The following ANKRD17 variants were observed in gnomAD, a reference collection of about 807,000 sequenced individuals.
ANKRD17 encodes ankyrin repeat domain-containing protein 17.
Under a neutral mutation model 229.7 loss-of-function variants are expected in ANKRD17, and 19 were observed. The observed-to-expected ratio is 0.08, with a 90% CI of 0.06 to 0.12. ANKRD17 has a LOEUF of 0.12. Among genes scored for constraint, ANKRD17 ranks in the 10% least tolerant of loss-of-function variants. The probability of loss-of-function intolerance (pLI) is 1.00; values close to 1 mark genes in which losing one functional copy is unlikely to be tolerated. For missense variants in ANKRD17, 2,176 were observed against 3,176.8 expected, an observed-to-expected ratio of 0.68 and a Z score of 7.57; for synonymous variants, 1,112 against 1,146.1, an observed-to-expected ratio of 0.97 and a Z score of 0.60.
chr4:73,233,853 C>T (rs976007156), intron 1 of ANKRD17, among the ~76,000 whole-genome samples: 8 of 152,106 alleles, frequency 5.3e-5, no homozygotes, highest in African/African-American at 1.9e-4. Flanking sequence ...CTGCTAAGAA[C>T]TTAGTTATTT....
intron 5 of ANKRD17, 65 bp from the exon 6 acceptor site, chr4:73,154,178 T>A: frequency 8.8e-7 from 1 of 1,132,520 alleles, no homozygotes; most frequent in Non-Finnish European, 1.2e-6. Context: ...AAAGTGCTAA[T>A]TTACATTAAG....
chr4:73,092,225 A>G lies in ANKRD17; in HGVS notation c.5403T>C (p.Asp1801=), dbSNP rs1305391743. The change falls in exon 29 of 34, where the codon GAT becomes GAC. Residue 1801 remains aspartate, a synonymous_variant. Coordinates refer to ENST00000358602, the MANE Select transcript of ANKRD17 (RefSeq NM_032217.5). ...ALIKDPDKEI[D]ELIPKNRLKS... ...TCAAACGATTCTTTGGAATAAGTTCATCAATTTCTTTGTCTGGATCCTTGA... is the reference window on the plus strand; with the variant it reads ...TCAAACGATTCTTTGGAATAAGTTCGTCAATTTCTTTGTCTGGATCCTTGA... 1 of 1,614,204 alleles carries G rather than the reference A, an allele frequency of 6.2e-7. No individual in the cohort carries two copies. Among genetic ancestry groups the G allele is most frequent in the Non-Finnish European group, 8.5e-7 (1 of 1,180,032 alleles).
intron 29 of ANKRD17, among the ~76,000 whole-genome samples, chr4:73,086,352 C>T (rs1011154718): frequency 1.8e-4 from 28 of 151,736 alleles, no homozygotes; most frequent in African/African-American, 6.5e-4. Context: ...TAAACGTTTA[C>T]CTTTAGGGAT....
intron 30 of ANKRD17, among the ~76,000 whole-genome samples, chr4:73,084,102 C>G (rs1266726343): frequency 6.6e-6 from 1 of 152,152 alleles, no homozygotes; most frequent in East Asian, 1.9e-4. Flanking sequence ...GTTTGAAAAT[C>G]TAGGCCTGGT....
Position 73,180,054 on chromosome 4 carries a change from T to C in ANKRD17, c.394-2521A>G, listed in dbSNP as rs554294704. On this transcript the variant is annotated intron_variant, in intron 1 of 33. Coordinates refer to ENST00000358602, the MANE Select transcript of ANKRD17 (RefSeq NM_032217.5). ...AAAGCAAATAAACAAATGTATGAAA[T>C]TGAACAGGTAAAATGAATAGATGAA... is the stretch of plus-strand genomic sequence containing the variant. 2.6e-4 allele frequency among the ~76,000 whole-genome samples: 40 copies of C among 152,114 alleles called. No homozygotes were observed. The South Asian group carries it at 8.3e-3, about 32-fold the overall frequency.
rs1742956272 is a variant in ANKRD17 at position 73,230,665 on chromosome 4, GAATT to G, written c.393+27607_393+27610del. 2.0e-5 allele frequency among the ~76,000 whole-genome samples: 3 copies of G among 152,150 alleles called. No homozygotes were observed. In the South Asian group the frequency reaches 6.2e-4, roughly 32 times the overall value. On this transcript the variant is annotated intron_variant, in intron 1 of 33. Coordinates refer to ENST00000358602, the MANE Select transcript of ANKRD17 (RefSeq NM_032217.5). ...ATTCAACCTAGAAAAGTACAGAAGA[GAATT>G]ATATTAGATACAAAACGCTTCATCC...
At chr4:73,190,075 A>G (rs1264583025) in intron 1 of ANKRD17, among the ~76,000 whole-genome samples, 1 of 152,206 alleles carries the variant, frequency 6.6e-6, no homozygotes, top group Non-Finnish European at 1.5e-5. Flanking sequence ...TATTCTTTAT[A>G]AAGTATTCTG....
At chr4:73,173,609 C>T (rs1269256760) in intron 2 of ANKRD17, among the ~76,000 whole-genome samples, 1 of 152,176 alleles carries the variant, frequency 6.6e-6, no homozygotes, top group Non-Finnish European at 1.5e-5. Flanking sequence ...GCAAATTCTG[C>T]AAGACAGTCA....
chr4:73,191,985 T>C (rs987111078), intron 1 of ANKRD17, among the ~76,000 whole-genome samples: 1 of 152,082 alleles, frequency 6.6e-6, no homozygotes, highest in Non-Finnish European at 1.5e-5. Flanking sequence ...ATCAATACTA[T>C]GGTTAAATAA....
rs1490618465 is a variant in ANKRD17 at position 73,097,285 on chromosome 4, G to A, written c.5022-13C>T. On this transcript the variant is annotated splice_polypyrimidine_tract_variant and intron_variant, in intron 26 of 33. Coordinates refer to ENST00000358602, the MANE Select transcript of ANKRD17 (RefSeq NM_032217.5). The stretch of plus-strand genomic sequence containing the variant: ...AGTTTCTGACAATCTTTAACAAAGA[G>A]AGGGAAAGTACATTAAATATGGAAC... 2 of 1,565,860 alleles carry A rather than the reference G, an allele frequency of 1.3e-6. No homozygotes were observed. Among genetic ancestry groups the A allele is most frequent in the Non-Finnish European group, 1.7e-6 (2 of 1,160,510 alleles).
At chr4:73,179,544 A>T (rs1735268030) in intron 1 of ANKRD17, among the ~76,000 whole-genome samples, 1 of 109,472 alleles carries the variant, frequency 9.1e-6, no homozygotes, top group African/African-American at 3.3e-5. Flanking sequence ...TTAAAGAGAC[A>T]TGGATAGTCT....
At chr4:73,162,851 T>G (rs934716981) in intron 2 of ANKRD17, among the ~76,000 whole-genome samples, 1 of 151,048 alleles carries the variant, frequency 6.6e-6, no homozygotes, top group Admixed American at 6.6e-5. Context: ...TGCTTTTTTG[T>G]TTTGTTTTTG....
chr4:73,102,274 G>A, intron 25 of ANKRD17, 102 bp downstream of exon 25: 2 of 1,263,212 alleles, frequency 1.6e-6, no homozygotes, highest in East Asian at 2.5e-5. Flanking sequence ...ATGTTAAGGG[G>A]TTAATAACTT....
At chr4:73,233,863 T>C (rs982860794) in intron 1 of ANKRD17, among the ~76,000 whole-genome samples, 1 of 152,206 alleles carries the variant, frequency 6.6e-6, no homozygotes, top group Non-Finnish European at 1.5e-5. Flanking sequence ...CTTAGTTATT[T>C]GATTTTCCGT....
chr4:73,174,881 C>G (rs1734522287), intron 2 of ANKRD17, among the ~76,000 whole-genome samples: 1 of 152,088 alleles, frequency 6.6e-6, no homozygotes, highest in African/African-American at 2.4e-5. Flanking sequence ...TGAAAGATCT[C>G]TACAAGGGAA....
Position 73,121,025 on chromosome 4 carries a change from C to T in ANKRD17, c.3705G>A (p.Lys1235=). Residue 1235 remains lysine, a synonymous_variant, in exon 20 of 34, where the codon AAG becomes AAA. Transcript: ENST00000358602. ...TGTCAGAGCCCATGTCTAACAGGAGCTTAACAGCAGCTGTATGCCCATTCA... is the reference window on the plus strand; with the variant it reads ...TGTCAGAGCCCATGTCTAACAGGAGTTTAACAGCAGCTGTATGCCCATTCA... ...AAMNGHTAAV[K]LLLDMGSDIN... 6.2e-7 allele frequency: 1 copy of T among 1,613,876 alleles called. No individual in the cohort carries two copies. Among genetic ancestry groups the T allele is most frequent in the Non-Finnish European group, 8.5e-7 (1 of 1,179,876 alleles).
chr4:73,112,625 T>C, intron 24 of ANKRD17: 1 of 560,326 alleles, frequency 1.8e-6, no homozygotes, highest in Non-Finnish European at 2.3e-6. Context: ...AAATGATTCA[T>C]ATTAATGTAG....
rs543342539 is a variant in ANKRD17 at position 73,215,908 on chromosome 4, G to T, written c.394-38375C>A. Among the ~76,000 whole-genome samples the T allele has an allele frequency of 8.5e-5, 13 of 152,230 alleles. No homozygotes were observed. In the South Asian group the frequency reaches 2.5e-3, roughly 29 times the overall value. ...TAATGTATCACAATAGACTGAATAT[G>T]ACAGCAGATATGATGGGCATGGTGG... On this transcript the variant is annotated intron_variant, in intron 1 of 33. Coordinates refer to ENST00000358602, the MANE Select transcript of ANKRD17 (RefSeq NM_032217.5).
chr4:73,169,473 G>GA (rs367756886), intron 2 of ANKRD17, among the ~76,000 whole-genome samples: 23 of 148,206 alleles, frequency 1.6e-4, no homozygotes, highest in African/African-American at 3.2e-4. Flanking sequence ...ACCCTGAAGG[G>GA]AAAAAAAAAA....
Sources: gnomAD v4.1 joint callset for allele counts (sites outside exome capture counted in the v4.1 genomes callset) on GRCh38, gnomAD v4.1.1 for gene constraint, MANE v1.5 for transcripts, NCBI Gene and HGNC (gene_info 2026-07-23, HGNC 2026-07-21) for gene names.